The following RNFT2 variants were observed in gnomAD, a reference collection of about 807,000 sequenced individuals.
RNFT2 encodes the protein ring finger protein, transmembrane 2, also known as E3 ubiquitin-protein ligase RNFT2.
In RNFT2, 36 loss-of-function variants were observed where a neutral mutation model predicts 53.0. The observed-to-expected ratio is 0.68, with a 90% CI of 0.52 to 0.90. The LOEUF (loss-of-function observed/expected upper bound fraction) is 0.90. Ranked by LOEUF, RNFT2 falls within the 40% of genes least tolerant of loss-of-function variation. The pLI is 0.00. For synonymous variants in RNFT2, 260 were observed against 253.2 expected (o/e 1.03, Z -0.26); for missense variants, 514 against 585.6 (o/e 0.88, Z 1.26).
chr12:116,825,614 T>C (rs1322548231), intron 7 of RNFT2, among the ~76,000 whole-genome samples: 1 of 152,220 alleles, frequency 6.6e-6, no homozygotes, highest in Non-Finnish European at 1.5e-5. Flanking sequence ...AAACAGTTGT[T>C]AAATCATTGG....
intron 5 of RNFT2, among the ~76,000 whole-genome samples, chr12:116,756,385 G>A (rs116534378): frequency 0.052 from 7,837 of 151,916 alleles, 249 homozygotes; most frequent in Middle Eastern, 0.088. Context: ...CTACTTGGTC[G>A]CCGTTGGTGT....
chr12:116,839,872 C>T (rs1435915348), intron 10 of RNFT2, among the ~76,000 whole-genome samples: 1 of 152,168 alleles, frequency 6.6e-6, no homozygotes, highest in Non-Finnish European at 1.5e-5. Context: ...CCACCCACTA[C>T]CCCCTGAGCT....
chr12:116,806,385 T>A lies in RNFT2; in HGVS notation c.882+27037T>A, dbSNP rs895522678. Among the ~76,000 whole-genome samples, 374 of 108,834 alleles carry A rather than the reference T, an allele frequency of 3.4e-3. 7 individuals carry two copies. The highest frequency in any genetic ancestry group is 0.013 in the African/African-American group (353 of 26,894). 71.4% of individuals were successfully genotyped at this position (108,834 alleles called of 152,430 possible). ...ACTGTCTCAAAAAAAAAAAAAAATATATATATATATATATAGATAGATAGA... is the reference window on the plus strand; with the variant it reads ...ACTGTCTCAAAAAAAAAAAAAAATAAATATATATATATATAGATAGATAGA... On this transcript the variant is annotated intron_variant, in intron 7 of 10. Transcript: ENST00000257575.
intron 5 of RNFT2, among the ~76,000 whole-genome samples, chr12:116,759,343 C>A (rs1027218281): frequency 1.3e-5 from 2 of 152,168 alleles, no homozygotes; most frequent in Non-Finnish European, 2.9e-5. Flanking sequence ...AACTAACTTT[C>A]TGAATTCTTT....
chr12:116,740,630 G>A, intron 2 of RNFT2, 109 bp downstream of exon 2: 2 of 989,886 alleles, frequency 2.0e-6, no homozygotes, highest in Admixed American at 2.0e-5. Context: ...AACACATGGG[G>A]AATCTGAACC....
At chr12:116,783,592 A>T (rs545279652) in intron 7 of RNFT2, among the ~76,000 whole-genome samples, 2 of 152,352 alleles carry the variant, frequency 1.3e-5, no homozygotes, top group African/African-American at 4.8e-5. Context: ...CTTGAGCAAT[A>T]ACACCCCTCC....
chr12:116,761,438 A>G (rs1345828159), intron 5 of RNFT2, among the ~76,000 whole-genome samples: 2 of 152,150 alleles, frequency 1.3e-5, no homozygotes, highest in African/African-American at 4.8e-5. Flanking sequence ...GTGAGCCACC[A>G]TGCCTGGCCC....
At chr12:116,754,649 A>G (rs1385941266) in intron 5 of RNFT2, among the ~76,000 whole-genome samples, 1 of 151,870 alleles carries the variant, frequency 6.6e-6, no homozygotes, top group Non-Finnish European at 1.5e-5. Context: ...ACTAGCATCT[A>G]TTGTTTTTTG....
At chr12:116,789,788 A>G (rs1874138965) in intron 7 of RNFT2, among the ~76,000 whole-genome samples, 6 of 130,828 alleles carry the variant, frequency 4.6e-5, no homozygotes, top group African/African-American at 8.8e-5. Context: ...GGGTAAATGG[A>G]AGGAGAGTGG....
intron 7 of RNFT2, among the ~76,000 whole-genome samples, chr12:116,784,823 A>G (rs916672281): frequency 1.3e-5 from 2 of 151,990 alleles, no homozygotes; most frequent in Admixed American, 1.3e-4. Flanking sequence ...CATGAGACCA[A>G]AGTAGTCTCC....
chr12:116,816,400 A>T (rs529781826), intron 7 of RNFT2, among the ~76,000 whole-genome samples: 2 of 152,348 alleles, frequency 1.3e-5, no homozygotes, highest in East Asian at 3.9e-4. Context: ...CCTGGCCCCA[A>T]GGACTCTGCC....
chr12:116,841,794 A>T (rs189396100), intron 10 of RNFT2, among the ~76,000 whole-genome samples: 51 of 94,654 alleles, frequency 5.4e-4, no homozygotes, highest in East Asian at 3.7e-3. Flanking sequence ...TATATATATA[A>T]ATATATATAT....
chr12:116,806,360 A>G (rs964086990), intron 7 of RNFT2, among the ~76,000 whole-genome samples: 2 of 55,302 alleles, frequency 3.6e-5, no homozygotes, highest in South Asian at 1.3e-3. Context: ...ACAGAGTGAG[A>G]CTGTCTCAAA....
At chr12:116,831,662 A>G (rs1253483210) in intron 7 of RNFT2, among the ~76,000 whole-genome samples, 2 of 152,078 alleles carry the variant, frequency 1.3e-5, no homozygotes, top group African/African-American at 4.8e-5. Flanking sequence ...AAGATTATAC[A>G]TATTTTTACA....
chr12:116,810,781 C>G (rs1875333646), intron 7 of RNFT2, among the ~76,000 whole-genome samples: 1 of 152,204 alleles, frequency 6.6e-6, no homozygotes, highest in Admixed American at 6.5e-5. Context: ...AGGGGGAAGA[C>G]AGGGACTGCT....
chr12:116,755,226 C>T (rs1393021655), intron 5 of RNFT2, among the ~76,000 whole-genome samples: 1 of 152,154 alleles, frequency 6.6e-6, no homozygotes, highest in East Asian at 1.9e-4. Context: ...TATCCCAGCA[C>T]CATTTGTTGA....
chr12:116,837,610 A>G (rs549561173), intron 10 of RNFT2, among the ~76,000 whole-genome samples: 1 of 152,356 alleles, frequency 6.6e-6, no homozygotes, highest in African/African-American at 2.4e-5. Flanking sequence ...AATGGATAAT[A>G]TATTTGCATG....
At chr12:116,822,809 CA>C (rs1315945246) in intron 7 of RNFT2, among the ~76,000 whole-genome samples, 2 of 152,026 alleles carry the variant, frequency 1.3e-5, no homozygotes, top group African/African-American at 4.8e-5. Flanking sequence ...CCAGCCTGGC[CA>C]ACATGGTGAA....
At chr12:116,750,387 C>A (rs1302270023) in intron 4 of RNFT2, 80 bp downstream of exon 4, 4 of 1,357,370 alleles carry the variant, frequency 2.9e-6, no homozygotes, top group African/African-American at 1.4e-5. Context: ...GGGGCTCCTC[C>A]TCTGAAGCCC....
Sources: gnomAD v4.1 joint callset for allele counts (sites outside exome capture counted in the v4.1 genomes callset) on GRCh38, gnomAD v4.1.1 for gene constraint, MANE v1.5 for transcripts, NCBI Gene and HGNC (gene_info 2026-07-23, HGNC 2026-07-21) for gene names.